The following SELP variants were observed in gnomAD, a reference collection of about 807,000 sequenced individuals.
SELP encodes selectin P.
SELP carries 92 observed loss-of-function variants against 104.1 expected under a neutral mutation model. The ratio of observed to expected loss-of-function variants is 0.88; its 90% CI spans 0.75 to 1.05. SELP has a LOEUF of 1.05. Ranked by LOEUF, SELP falls within the 50% of genes least tolerant of loss-of-function variation. The pLI is 0.00. For synonymous variants in SELP, 397 were observed against 364.5 expected (o/e 1.09, Z -1.01); for missense variants, 1,022 against 1,017.3 (o/e 1.00, Z -0.06).
intron 12 of SELP, 23 bp downstream of exon 12, chr1:169,595,902 C>A (rs746575557): frequency 1.9e-6 from 3 of 1,609,680 alleles, no homozygotes; most frequent in Non-Finnish European, 2.5e-6. Context: ...AGGTTCAGAA[C>A]TGCCTGCTCC....
At position 169,607,088 on chromosome 1, in the gene SELP, G is replaced by C. The variant is rs548560165; in HGVS notation, c.1380C>G (p.Asn460Lys). ...DLPVPNEARV[N>K]CSHPFGAFRY... ...TAAAGGCACCGAAGGGGTGGGAGCA[G>C]TTCACCCGGGCCTCATTTGGAACTG... Residue 460 changes from asparagine to lysine, a missense_variant, in exon 9 of 17, where the codon AAC (asparagine) becomes AAG (lysine). By Grantham distance (94) the Asn-to-Lys change is moderately conservative. Coordinates refer to ENST00000263686, the MANE Select transcript of SELP (RefSeq NM_003005.4). 3.1e-6 allele frequency: 5 copies of C among 1,609,830 alleles called. No individual in the cohort carries two copies. In the African/African-American group the frequency reaches 4.0e-5, roughly 13 times the overall value.
chr1:169,607,271 G>A, intron 8 of SELP, 137 bp from the exon 9 acceptor site: 1 of 630,650 alleles, frequency 1.6e-6, no homozygotes, highest in Non-Finnish European at 2.4e-6. Flanking sequence ...AAGAAAAAGT[G>A]TCATTTAATT....
intron 7 of SELP, among the ~76,000 whole-genome samples, chr1:169,610,186 A>T (rs1662446490): frequency 6.6e-6 from 1 of 152,016 alleles, no homozygotes; most frequent in Non-Finnish European, 1.5e-5. Flanking sequence ...TAGGGAAAAA[A>T]AAAAAAGCTG....
intron 8 of SELP, 90 bp downstream of exon 8, chr1:169,609,414 G>C (rs1236608707): frequency 3.1e-6 from 4 of 1,291,668 alleles, no homozygotes; most frequent in Non-Finnish European, 4.3e-6. Flanking sequence ...GTGAATATCT[G>C]ATAAAGAAAG....
chr1:169,617,970 T>C (rs1034397135), intron 2 of SELP, among the ~76,000 whole-genome samples: 20 of 152,156 alleles, frequency 1.3e-4, no homozygotes, highest in Admixed American at 6.5e-5. Context: ...CTGATAAACT[T>C]TACTCCACCT....
At position 169,603,035 on chromosome 1, in the gene SELP, T is replaced by G. The variant is rs769825695; in HGVS notation, c.1696A>C (p.Met566Leu). The G allele has an allele frequency of 1.9e-6, 3 of 1,612,058 alleles. No homozygotes were observed. The African/African-American group carries it at 4.0e-5, about 22-fold the overall frequency. Residue 566 changes from methionine to leucine, a missense_variant, in exon 10 of 17, where the codon ATG becomes CTG. By Grantham distance (15) the Met-to-Leu change is conservative (BLOSUM62 2). Transcript: ENST00000263686. The part of the protein sequence containing the change: ...RSGRWTDSPP[M>L]CEAIKCPELF... Reference sequence around the variant, plus strand: ...CAGACCCACAGCCTACCTTCACACATTGGTGGGGAGTCTGTCCAGCGTCCC... The same window carrying G: ...CAGACCCACAGCCTACCTTCACACAGTGGTGGGGAGTCTGTCCAGCGTCCC...
intron 1 of SELP, among the ~76,000 whole-genome samples, chr1:169,628,911 T>C (rs748964630): frequency 6.6e-6 from 1 of 152,156 alleles, no homozygotes; most frequent in African/African-American, 2.4e-5. Flanking sequence ...TTATTCCTGT[T>C]TTCCCCAACA....
At chr1:169,623,452 A>G (rs1323908879) in intron 1 of SELP, among the ~76,000 whole-genome samples, 4 of 152,162 alleles carry the variant, frequency 2.6e-5, no homozygotes, top group Non-Finnish European at 4.4e-5. Context: ...CCAAAAAGAG[A>G]TGTTTCCCAT....
In SELP at chr1:169,617,430, G is replaced by A. The variant is rs61805832; in HGVS notation, c.95-16C>T. 1 of 1,610,486 alleles carries A rather than the reference G, an allele frequency of 6.2e-7. No homozygotes were observed. Among genetic ancestry groups the A allele is most frequent in the South Asian group, 1.1e-5 (1 of 90,686 alleles). On this transcript the variant is annotated splice_polypyrimidine_tract_variant and intron_variant, in intron 2 of 16. Transcript: ENST00000263686. ...TTTGTTAGTTCTAGAGTAAAGGAGAGTGAGTGCCAGGTTAGTACCCCTCAC... is the reference window on the plus strand; with the variant it reads ...TTTGTTAGTTCTAGAGTAAAGGAGAATGAGTGCCAGGTTAGTACCCCTCAC...
chr1:169,595,001 G>A (rs1461102751), intron 12 of SELP, 124 bp from the exon 13 acceptor site: 6 of 762,440 alleles, frequency 7.9e-6, no homozygotes, highest in African/African-American at 5.3e-5. Context: ...GAAAGGATAT[G>A]AGCCACTTCC....
chr1:169,596,520 G>A (rs1447992711), intron 11 of SELP, among the ~76,000 whole-genome samples: 1 of 152,230 alleles, frequency 6.6e-6, no homozygotes, highest in Non-Finnish European at 1.5e-5. Context: ...AAAGGTCAAT[G>A]TGAAAGTTGA....
chr1:169,626,166 C>T (rs780771018), intron 1 of SELP, among the ~76,000 whole-genome samples: 1 of 152,164 alleles, frequency 6.6e-6, no homozygotes, highest in Non-Finnish European at 1.5e-5. Context: ...AACATGAAGA[C>T]ATTAGTGTGG....
In SELP at chr1:169,613,031, G is replaced by T. The variant is rs774520775; in HGVS notation, c.673C>A (p.Gln225Lys). ...CCGTCAGTGCAGTGGAAGCTGCACT[G>T]CGAGTTAAAAGAGAAGTTTCCCAGA... ...HPLGNFSFNSQCSFHCTDGYQ... is the reference protein window; with the variant it reads ...HPLGNFSFNSKCSFHCTDGYQ... The change falls in exon 5 of 17, where the codon CAG (glutamine) becomes AAG (lysine). Residue 225 changes from glutamine to lysine, a missense_variant. Coordinates refer to ENST00000263686, the MANE Select transcript of SELP (RefSeq NM_003005.4). 1 of 1,613,916 alleles carries T rather than the reference G, an allele frequency of 6.2e-7. No individual in the cohort carries two copies. The highest frequency in any genetic ancestry group is 1.7e-5 in the Admixed American group (1 of 60,010).
chr1:169,608,399 C>A (rs1662310201), intron 8 of SELP, among the ~76,000 whole-genome samples: 1 of 152,094 alleles, frequency 6.6e-6, no homozygotes, highest in Non-Finnish European at 1.5e-5. Flanking sequence ...AACCTCCGTT[C>A]TACTTTCTGT....
chr1:169,621,070 A>C (rs1450849521), intron 1 of SELP, among the ~76,000 whole-genome samples: 1 of 129,334 alleles, frequency 7.7e-6, no homozygotes, highest in African/African-American at 3.1e-5. Context: ...CGGATGATGT[A>C]GGGTGCATGG....
intron 1 of SELP, among the ~76,000 whole-genome samples, chr1:169,627,775 A>G (rs558239889): frequency 6.6e-6 from 1 of 152,340 alleles, no homozygotes; most frequent in East Asian, 1.9e-4. Context: ...AGTCTGAACT[A>G]TTTTAGTTGC....
chr1:169,612,013 T>C (rs956361581), intron 6 of SELP, among the ~76,000 whole-genome samples: 2 of 152,194 alleles, frequency 1.3e-5, no homozygotes, highest in African/African-American at 4.8e-5. Context: ...ATTCTGAAAC[T>C]GCCTGCATTT....
intron 10 of SELP, among the ~76,000 whole-genome samples, chr1:169,601,057 C>T (rs2101881362): frequency 6.6e-6 from 1 of 152,084 alleles, no homozygotes; most frequent in East Asian, 1.9e-4. Flanking sequence ...TGGTTGCCTA[C>T]ATGATTTAAA....
At chr1:169,599,638 CT>C (rs1261331711) in intron 10 of SELP, among the ~76,000 whole-genome samples, 6 of 151,938 alleles carry the variant, frequency 3.9e-5, no homozygotes, top group African/African-American at 1.5e-4. Flanking sequence ...CAATAATTTT[CT>C]GGAAAGAAGA....
Sources: gnomAD v4.1 joint callset for allele counts (sites outside exome capture counted in the v4.1 genomes callset) on GRCh38, gnomAD v4.1.1 for gene constraint, MANE v1.5 for transcripts, NCBI Gene and HGNC (gene_info 2026-07-23, HGNC 2026-07-21) for gene names.